Variants in TSPEAR observed in about 807,000 individuals in gnomAD.
The protein encoded by TSPEAR is thrombospondin type laminin G domain and EAR repeats.
A neutral mutation model predicts 71.6 loss-of-function variants in TSPEAR; 69 were observed. That is an observed-to-expected ratio of 0.96 (90% CI 0.79 to 1.18). The LOEUF (loss-of-function observed/expected upper bound fraction) is 1.18. Ranked by LOEUF, TSPEAR falls within the 50% of genes most tolerant of loss-of-function variation. The pLI is 0.00. For missense variants in TSPEAR, 971 were observed against 894.9 expected (o/e 1.09, Z -1.09); for synonymous variants, 402 against 387.2 (o/e 1.04, Z -0.45).
intron 9 of TSPEAR, chr21:44,509,733 T>C: frequency 3.4e-6 from 1 of 296,484 alleles, no homozygotes; most frequent in East Asian, 8.2e-5. Flanking sequence ...CACTTCTCCC[T>C]GAATGTTAGT....
chr21:44,603,849 T>C (rs925757315), intron 1 of TSPEAR, among the ~76,000 whole-genome samples: 10 of 152,124 alleles, frequency 6.6e-5, no homozygotes, highest in African/African-American at 2.4e-4. Context: ...AAGGCACAAA[T>C]CATTAGAGAA....
chr21:44,531,926 G>A (rs1006007384), intron 3 of TSPEAR, among the ~76,000 whole-genome samples: 39 of 152,208 alleles, frequency 2.6e-4, no homozygotes, highest in African/African-American at 8.2e-4. Context: ...CTTCGGGCTC[G>A]CCTCCCGCCC....
intron 1 of TSPEAR, among the ~76,000 whole-genome samples, chr21:44,701,706 C>T (rs1350861243): frequency 4.0e-5 from 6 of 151,868 alleles, no homozygotes; most frequent in Admixed American, 1.3e-4. Context: ...TGGCAGGAGG[C>T]GGAGCTCGGG....
chr21:44,619,429 C>T (rs1403676271), intron 1 of TSPEAR, among the ~76,000 whole-genome samples: 1 of 152,244 alleles, frequency 6.6e-6, no homozygotes, highest in African/African-American at 2.4e-5. Flanking sequence ...GTGCAGTTTT[C>T]ACCAGAGGCA....
chr21:44,531,710 C>A (rs1187446903), intron 3 of TSPEAR, among the ~76,000 whole-genome samples: 3 of 152,196 alleles, frequency 2.0e-5, no homozygotes, highest in Admixed American at 1.3e-4. Context: ...CACTCACCCT[C>A]CCTCCACTGA....
intron 1 of TSPEAR, chr21:44,574,858 C>G: frequency 6.2e-7 from 1 of 1,613,128 alleles, no homozygotes; most frequent in South Asian, 1.1e-5. Context: ...CTCTGCCGCC[C>G]CGTGTGCAGG....
chr21:44,689,466 C>A (rs1223437977), intron 1 of TSPEAR, among the ~76,000 whole-genome samples: 1 of 150,468 alleles, frequency 6.6e-6, no homozygotes, highest in Non-Finnish European at 1.5e-5. Context: ...CATGCCACTG[C>A]ACTCCAGCCT....
chr21:44,667,521 G>A (rs1282217757), intron 1 of TSPEAR, among the ~76,000 whole-genome samples: 1 of 152,166 alleles, frequency 6.6e-6, no homozygotes, highest in East Asian at 1.9e-4. Flanking sequence ...GAACCAAGAT[G>A]AGACAACACC....
rs587626347 is a variant in TSPEAR at position 44,611,696 on chromosome 21, C to T, written c.83-43691G>A. On this transcript the variant is annotated intron_variant, in intron 1 of 11. Coordinates refer to ENST00000323084, the MANE Select transcript of TSPEAR (RefSeq NM_144991.3). ...TGGAGAACATCTGCTGGTAAAAAAACACCCCACCCCTGGTACCAAATACCC... is the reference window on the plus strand; with the variant it reads ...TGGAGAACATCTGCTGGTAAAAAAATACCCCACCCCTGGTACCAAATACCC... 7.7e-3 allele frequency among the ~76,000 whole-genome samples: 1,171 copies of T among 152,228 alleles called. 4 individuals are homozygous for T. Among genetic ancestry groups the T allele is most frequent in the Admixed American group, 0.013 (198 of 15,298 alleles).
Position 44,707,709 on chromosome 21 carries a change from G to C in TSPEAR, c.82+3724C>G, listed in dbSNP as rs528859880. On this transcript the variant is annotated intron_variant, in intron 1 of 11. Transcript: ENST00000323084. ...CCGCCTGGCTCGGAGCAGGGAATGA[G>C]GGGGTCCTTAACTCTGAGATTTGTT... Among the ~76,000 whole-genome samples, 173 of 152,298 alleles carry C rather than the reference G, an allele frequency of 1.1e-3. 2 individuals carry two copies. Among genetic ancestry groups the C allele is most frequent in the African/African-American group, 4.0e-3 (168 of 41,550 alleles).
chr21:44,550,752 C>A (rs375324237), intron 2 of TSPEAR: 3 of 1,614,084 alleles, frequency 1.9e-6, no homozygotes, highest in East Asian at 2.2e-5. Flanking sequence ...GCACACGGGG[C>A]GGCAGAGGAG....
In TSPEAR at chr21:44,544,294, T is replaced by C. The variant is rs587721254; in HGVS notation, c.304-10371A>G. Among the ~76,000 whole-genome samples, 3 of 125,702 alleles carry C rather than the reference T, an allele frequency of 2.4e-5. No individual in the cohort carries two copies. The East Asian group carries it at 6.9e-4, about 29-fold the overall frequency. 82.5% of individuals were successfully genotyped at this position (125,702 alleles called of 152,430 possible). ...GATATTATGGCAATAGTAATCATAA[T>C]AAGACAAAAAAAAAATCAGTGCCTT... On this transcript the variant is annotated intron_variant, in intron 2 of 11. Transcript: ENST00000323084.
chr21:44,572,348 G>T (rs78906364), intron 1 of TSPEAR, among the ~76,000 whole-genome samples: 1,648 of 152,306 alleles, frequency 0.011, 29 homozygotes, highest in African/African-American at 0.038. Flanking sequence ...AAGAAACAGA[G>T]CAGCGCTGCT....
chr21:44,561,876 A>G (rs1337553068), intron 2 of TSPEAR, among the ~76,000 whole-genome samples: 1 of 152,252 alleles, frequency 6.6e-6, no homozygotes, highest in African/African-American at 2.4e-5. Context: ...TCAATATCAT[A>G]CTGAATGAGC....
intron 2 of TSPEAR, among the ~76,000 whole-genome samples, chr21:44,559,878 G>C (rs2838591): frequency 6.6e-6 from 1 of 151,960 alleles, no homozygotes; most frequent in African/African-American, 2.4e-5. Context: ...AATTAGGCCA[G>C]GGGTCCACTG....
intron 1 of TSPEAR, among the ~76,000 whole-genome samples, chr21:44,586,536 A>G (rs1555925704): frequency 6.6e-6 from 1 of 152,138 alleles, no homozygotes; most frequent in Non-Finnish European, 1.5e-5. Flanking sequence ...TTTTTAGCGT[A>G]TTCCCAGTGT....
chr21:44,574,550 T>C lies in TSPEAR; in HGVS notation c.83-6545A>G, dbSNP rs9982409. On this transcript the variant is annotated intron_variant, in intron 1 of 11. Transcript: ENST00000323084. Reference sequence around the variant, plus strand: ...GCCAGCCGGCTTGCTGCACCTCCTCTCCCTGCCAGCAGGCTTGCTGTGTGC... The same window carrying C: ...GCCAGCCGGCTTGCTGCACCTCCTCCCCCTGCCAGCAGGCTTGCTGTGTGC... The C allele has an allele frequency of 8.2e-3, 12,779 of 1,558,550 alleles. 826 individuals are homozygous for C. In the African/African-American group the frequency reaches 0.17, roughly 20 times the overall value.
intron 1 of TSPEAR, chr21:44,628,031 G>T (rs782044035): frequency 6.2e-7 from 1 of 1,612,830 alleles, no homozygotes; most frequent in Admixed American, 1.7e-5. Flanking sequence ...TTCTCCTCAG[G>T]CCAGAAGTCC....
intron 2 of TSPEAR, among the ~76,000 whole-genome samples, chr21:44,537,581 G>C (rs1342215409): frequency 5.3e-5 from 8 of 152,224 alleles, no homozygotes; most frequent in Non-Finnish European, 4.4e-5. Context: ...TTTAAAAAAG[G>C]ACAGTTGGCT....
Sources: gnomAD v4.1 joint callset for allele counts (sites outside exome capture counted in the v4.1 genomes callset) on GRCh38, gnomAD v4.1.1 for gene constraint, MANE v1.5 for transcripts, NCBI Gene and HGNC (gene_info 2026-07-23, HGNC 2026-07-21) for gene names.